Variants in PHF2 observed in about 807,000 individuals in gnomAD.
The protein encoded by PHF2 is PHD finger protein 2.
Under a neutral mutation model 120.5 loss-of-function variants are expected in PHF2, and 27 were observed. The ratio of observed to expected loss-of-function variants is 0.22; its 90% CI spans 0.17 to 0.31. The LOEUF is 0.31. Among genes scored for constraint, PHF2 ranks in the 10% least tolerant of loss-of-function variants. The pLI is 1.00. For missense variants in PHF2, 1,024 were observed against 1,434.8 expected, an observed-to-expected ratio of 0.71 and a Z score of 4.63; for synonymous variants, 568 against 592.5, an observed-to-expected ratio of 0.96 and a Z score of 0.60.
chr9:93,662,847 CAA>C, intron 12 of PHF2, 58 bp from the exon 13 acceptor site: 1 of 1,599,576 alleles, frequency 6.3e-7, no homozygotes, highest in Non-Finnish European at 8.5e-7. Context: ...ATCTGTGGCT[CAA>C]GAGAGTTCCA....
At chr9:93,671,924 T>A (rs1204265136) in intron 17 of PHF2, among the ~76,000 whole-genome samples, 103 of 24,896 alleles carry the variant, frequency 4.1e-3, no homozygotes, top group Admixed American at 5.2e-3. Flanking sequence ...GGGAGTAGGG[T>A]CAGGTGTAGA....
At chr9:93,577,530 C>A (rs1436263405) in intron 1 of PHF2, among the ~76,000 whole-genome samples, 7 of 152,164 alleles carry the variant, frequency 4.6e-5, no homozygotes, top group Non-Finnish European at 1.0e-4. Flanking sequence ...CCCGGCAGGC[C>A]TGCAGGTCCG....
At chr9:93,648,029 G>GT (rs1156397243) in intron 4 of PHF2, among the ~76,000 whole-genome samples, 17 of 152,128 alleles carry the variant, frequency 1.1e-4, no homozygotes, top group African/African-American at 4.1e-4. Flanking sequence ...TTGGTGGCAC[G>GT]TAAGACCCAG....
At chr9:93,630,792 A>G (rs542378001) in intron 2 of PHF2, among the ~76,000 whole-genome samples, 1 of 152,220 alleles carries the variant, frequency 6.6e-6, no homozygotes, top group Admixed American at 6.5e-5. Context: ...TGGCCTGTAG[A>G]CAGGACAGAT....
At chr9:93,595,772 G>T (rs1428476366) in intron 1 of PHF2, among the ~76,000 whole-genome samples, 1 of 152,230 alleles carries the variant, frequency 6.6e-6, no homozygotes, top group Non-Finnish European at 1.5e-5. Context: ...GAACTTCCCT[G>T]AGGATGCTAG....
chr9:93,600,599 C>T (rs991349281), intron 1 of PHF2, among the ~76,000 whole-genome samples: 8 of 152,212 alleles, frequency 5.3e-5, no homozygotes, highest in Non-Finnish European at 1.2e-4. Context: ...TTCCTGCTCA[C>T]CTGTAAAATG....
At chr9:93,608,760 C>G (rs1825586910) in intron 1 of PHF2, among the ~76,000 whole-genome samples, 1 of 151,854 alleles carries the variant, frequency 6.6e-6, no homozygotes. Context: ...TAATCTGTGT[C>G]TTTATATTTT....
chr9:93,614,439 C>T (rs72745487), intron 1 of PHF2, among the ~76,000 whole-genome samples: 1 of 152,240 alleles, frequency 6.6e-6, no homozygotes, highest in African/African-American at 2.4e-5. Context: ...CTGGCTGCCC[C>T]TCCTGCTGAA....
intron 1 of PHF2, among the ~76,000 whole-genome samples, chr9:93,603,017 G>T (rs1234940483): frequency 3.9e-5 from 6 of 152,120 alleles, no homozygotes; most frequent in Admixed American, 1.3e-4. Context: ...TGGACTGGGA[G>T]GGGGGCGCGG....
chr9:93,589,133 C>G (rs1445477181), intron 1 of PHF2, among the ~76,000 whole-genome samples: 1 of 152,174 alleles, frequency 6.6e-6, no homozygotes, highest in Non-Finnish European at 1.5e-5. Context: ...TGGTATGTCT[C>G]TTTCTCTAGT....
At chr9:93,660,103 CTGAG>C (rs1388775209) in intron 11 of PHF2, 85 bp from the exon 12 acceptor site, 2 of 1,428,848 alleles carry the variant, frequency 1.4e-6, no homozygotes, top group African/African-American at 2.9e-5. Context: ...CAGCCTGGCA[CTGAG>C]TGTCTCCAGC....
At chr9:93,594,309 G>A (rs1370791641) in intron 1 of PHF2, among the ~76,000 whole-genome samples, 3 of 152,200 alleles carry the variant, frequency 2.0e-5, no homozygotes, top group Admixed American at 6.5e-5. Context: ...GAGCCTGCAT[G>A]TAAGAGTTTT....
intron 1 of PHF2, among the ~76,000 whole-genome samples, chr9:93,624,333 AGAT>A (rs1424794565): frequency 6.6e-6 from 1 of 151,584 alleles, no homozygotes; most frequent in Non-Finnish European, 1.5e-5. Context: ...ATGGTGATTG[AGAT>A]GATAATGATG....
At chr9:93,577,798 A>G (rs1328986889) in intron 1 of PHF2, among the ~76,000 whole-genome samples, 2 of 152,192 alleles carry the variant, frequency 1.3e-5, no homozygotes, top group Non-Finnish European at 2.9e-5. Flanking sequence ...TGCCTAGGGC[A>G]GGTCCCTTCC....
At chr9:93,617,468 G>C (rs890725633) in intron 1 of PHF2, among the ~76,000 whole-genome samples, 2 of 152,162 alleles carry the variant, frequency 1.3e-5, no homozygotes, top group Non-Finnish European at 2.9e-5. Context: ...CGGGGAGCAG[G>C]CTACTTTCTT....
intron 1 of PHF2, among the ~76,000 whole-genome samples, chr9:93,608,729 G>A (rs1371014690): frequency 1.3e-5 from 2 of 152,118 alleles, no homozygotes; most frequent in African/African-American, 4.8e-5. Context: ...TGGGCATAGT[G>A]TTGTTTCATC....
At chr9:93,627,979 C>A (rs1377418390) in intron 1 of PHF2, among the ~76,000 whole-genome samples, 4 of 152,230 alleles carry the variant, frequency 2.6e-5, no homozygotes, top group African/African-American at 9.6e-5. Flanking sequence ...TCTGCTGTCC[C>A]ATCCTCCAGG....
intron 1 of PHF2, among the ~76,000 whole-genome samples, chr9:93,578,284 C>T (rs560468057): frequency 1.3e-5 from 2 of 152,254 alleles, no homozygotes; most frequent in South Asian, 4.1e-4. Flanking sequence ...ATGCCCAGGG[C>T]TGTGGAAGCC....
intron 1 of PHF2, among the ~76,000 whole-genome samples, chr9:93,585,652 T>G (rs1863027236): frequency 6.6e-6 from 1 of 152,222 alleles, no homozygotes; most frequent in Non-Finnish European, 1.5e-5. Flanking sequence ...GGATCTGACC[T>G]GGGGACTGAT....
Sources: allele counts gnomAD v4.1 joint callset (sites outside exome capture counted in the v4.1 genomes callset), GRCh38; gene constraint gnomAD v4.1.1; transcripts MANE v1.5; gene names NCBI Gene and HGNC (gene_info 2026-07-23, HGNC 2026-07-21).